Variants in ANKRD24 observed in about 807,000 individuals in gnomAD.
ANKRD24 encodes the protein ankyrin repeat domain 24.
Under a neutral mutation model 127.8 loss-of-function variants are expected in ANKRD24, and 109 were observed. That is an observed-to-expected ratio of 0.85 (90% CI 0.73 to 1.00). The LOEUF is 1.00. Among genes scored for constraint, ANKRD24 ranks in the 50% least tolerant of loss-of-function variants. ANKRD24 has a pLI of 0.00. For synonymous variants in ANKRD24, 743 were observed against 671.1 expected, an observed-to-expected ratio of 1.11 and a Z score of -1.66; for missense variants, 1,648 against 1,570.2, an observed-to-expected ratio of 1.05 and a Z score of -0.84.
intron 1 of ANKRD24, among the ~76,000 whole-genome samples, chr19:4,185,850 G>T (rs1045946673): frequency 1.8e-4 from 27 of 152,240 alleles, no homozygotes; most frequent in African/African-American, 6.5e-4. Context: ...GGGTGAGGCA[G>T]AGGCAGAGAC....
Position 4,216,770 on chromosome 19 carries a change from C to T in ANKRD24, c.1610C>T (p.Thr537Ile), listed in dbSNP as rs770495026. Reference sequence around the variant, plus strand: ...AGTGAGGTTGCTGGAGCCACGGCCACCAAAAACGGGCCAACCCACATGGAG... The same window carrying T: ...AGTGAGGTTGCTGGAGCCACGGCCATCAAAAACGGGCCAACCCACATGGAG... ...GESEVAGATA[T>I]KNGPTHMELN... The change falls in exon 18 of 22, where the codon ACC (threonine) becomes ATC (isoleucine). Residue 537 changes from threonine to isoleucine, a missense_variant. Physicochemically the swap from Thr to Ile is moderately conservative, Grantham distance 89. Transcript: ENST00000318934. 15 of 1,592,626 alleles carry T rather than the reference C, an allele frequency of 9.4e-6. No homozygotes were observed. The highest frequency in any genetic ancestry group is 1.3e-5 in the Non-Finnish European group (15 of 1,170,298).
At chr19:4,193,850 A>G (rs972161547) in intron 2 of ANKRD24, among the ~76,000 whole-genome samples, 5,823 of 37,196 alleles carry the variant, frequency 0.16, 516 homozygotes, top group Middle Eastern at 0.26. Context: ...GGAGGGAGGA[A>G]GGAAGGAAGG....
rs1195603907 is a variant in ANKRD24, at chr19:4,186,373, A to C, written c.-36-17A>C. On this transcript the variant is annotated splice_polypyrimidine_tract_variant and intron_variant, in intron 1 of 21. Coordinates refer to ENST00000318934, the MANE Select transcript of ANKRD24 (RefSeq NM_001393985.1). Reference sequence around the variant, plus strand: ...GACTGGTGTCCCTCACCTTACCCCCACCCTTGCCCTCCTCAGGTGGCCTGT... The same window carrying C: ...GACTGGTGTCCCTCACCTTACCCCCCCCCTTGCCCTCCTCAGGTGGCCTGT... 6.4e-7 allele frequency: 1 copy of C among 1,560,230 alleles called. No individual in the cohort carries two copies. The highest frequency in any genetic ancestry group is 1.9e-5 in the Admixed American group (1 of 52,108).
At chr19:4,196,456 A>T (rs1456902941) in intron 2 of ANKRD24, among the ~76,000 whole-genome samples, 1 of 151,464 alleles carries the variant, frequency 6.6e-6, no homozygotes. Flanking sequence ...GCTTACTGCA[A>T]CCTCTGCCTC....
At chr19:4,196,982 G>C (rs954239288) in intron 2 of ANKRD24, among the ~76,000 whole-genome samples, 3 of 152,188 alleles carry the variant, frequency 2.0e-5, no homozygotes, top group African/African-American at 7.2e-5. Context: ...GCCGGGACCA[G>C]CTAGCTCTTT....
chr19:4,183,567 C>G (rs1268720147), intron 1 of ANKRD24: 1 of 157,856 alleles, frequency 6.3e-6, no homozygotes. Context: ...CTGACCCAGG[C>G]TGGGGGCATC....
At chr19:4,208,103 A>T in intron 10 of ANKRD24, 135 bp downstream of exon 10, 1 of 954,720 alleles carries the variant, frequency 1.0e-6, no homozygotes, top group Non-Finnish European at 1.4e-6. Context: ...ACCCAATTCT[A>T]CTCAGAACAG....
intron 15 of ANKRD24, among the ~76,000 whole-genome samples, chr19:4,213,558 C>T (rs1969892812): frequency 6.8e-6 from 1 of 147,730 alleles, no homozygotes; most frequent in Non-Finnish European, 1.5e-5. Context: ...CTGGTTCAAG[C>T]GATTCTCCTG....
At chr19:4,214,807 T>A (rs959000599) in intron 15 of ANKRD24, among the ~76,000 whole-genome samples, 1 of 152,060 alleles carries the variant, frequency 6.6e-6, no homozygotes, top group African/African-American at 2.4e-5. Context: ...TGAGCCAAGA[T>A]CACGCCACTG....
At position 4,198,554 on chromosome 19, in the gene ANKRD24, C is replaced by T; in HGVS notation, c.37-1129C>T. 1 of 540,970 alleles carries T rather than the reference C, an allele frequency of 1.8e-6. No homozygotes were observed. The highest frequency in any genetic ancestry group is 3.3e-6 in the Non-Finnish European group (1 of 303,644). The allele number at this position is 540,970 out of a possible 1,614,324, so 33.5% of individuals were successfully genotyped here. On this transcript the variant is annotated intron_variant, in intron 2 of 21. Coordinates refer to ENST00000318934, the MANE Select transcript of ANKRD24 (RefSeq NM_001393985.1). The surrounding 1 kb of genome is among the most constrained non-coding windows in gnomAD (Gnocchi z 6.1). ...CGCGGTAGGGCCCGGGGAGGGGGCG[C>T]AGGAGCGGGCGGGGCGCGGGTACCT...
chr19:4,182,996 T>TGTGTGTGTGTGTGTGTGTGA (rs1271437508), intron 1 of ANKRD24, among the ~76,000 whole-genome samples: 2 of 151,738 alleles, frequency 1.3e-5, no homozygotes, highest in Non-Finnish European at 2.9e-5. Flanking sequence ...TGTGTGTGTG[T>TGTGTGTGTGTGTGTGTGTGA]GTGACGGAGC....
chr19:4,188,571 G>A (rs924256335), intron 2 of ANKRD24, among the ~76,000 whole-genome samples: 13 of 151,620 alleles, frequency 8.6e-5, no homozygotes, highest in African/African-American at 2.9e-4. Flanking sequence ...TTGTACAGAT[G>A]GGGTGTAGCT....
At chr19:4,208,016 T>C (rs779436558) in intron 10 of ANKRD24, 48 bp downstream of exon 10, 2 of 1,422,724 alleles carry the variant, frequency 1.4e-6, no homozygotes, top group Admixed American at 3.1e-5. Flanking sequence ...GGCAGCTTCT[T>C]GTCACTCCCC....
rs61743270 is a variant in ANKRD24 at position 4,199,947 on chromosome 19, G to T, written c.196G>T (p.Ala66Ser). 3 of 1,563,964 alleles carry T rather than the reference G, an allele frequency of 1.9e-6. No individual in the cohort carries two copies. Among genetic ancestry groups the T allele is most frequent in the Admixed American group, 1.9e-5 (1 of 52,226 alleles). Reference sequence around the variant, plus strand: ...AAACAACGATGCACCTCGGGTGGCCGCCCTCATCGCCCGCAAGGGGCTGGT... The same window carrying T: ...AAACAACGATGCACCTCGGGTGGCCTCCCTCATCGCCCGCAAGGGGCTGGT... ...VENNDAPRVA[A>S]LIARKGLVPT... is the part of the protein sequence containing the mutation. Residue 66 changes from alanine to serine, a missense_variant, in exon 4 of 22, where the codon GCC becomes TCC. Physicochemically the swap from Ala to Ser is moderately conservative, Grantham distance 99. Transcript: ENST00000318934. This position sits in a 1 kb window ranked among gnomAD's most constrained non-coding sequence, Gnocchi z 5.2.
intron 2 of ANKRD24, among the ~76,000 whole-genome samples, chr19:4,192,949 A>T (rs569221900): frequency 4.5e-4 from 69 of 151,926 alleles, no homozygotes; most frequent in African/African-American, 1.6e-3. Context: ...AAATAAATAA[A>T]TAAAAATAAA....
At position 4,182,703 on chromosome 19, in the gene ANKRD24, A is replaced by G. The variant is rs1967794055; in HGVS notation, c.-74A>G. Reference sequence around the variant, plus strand: ...TTGCTGACGCCGCAGGCGACATGTTATCTGCTGTCAGAAGGAAGCCTGCCT... The same window carrying G: ...TTGCTGACGCCGCAGGCGACATGTTGTCTGCTGTCAGAAGGAAGCCTGCCT... On this transcript the variant is annotated 5_prime_UTR_variant, in exon 1 of 22. Transcript: ENST00000318934. 1.4e-6 allele frequency: 2 copies of G among 1,412,340 alleles called. No homozygotes were observed. The highest frequency in any genetic ancestry group is 9.2e-7 in the Non-Finnish European group (1 of 1,081,476). 87.5% of individuals were successfully genotyped at this position (1,412,340 alleles called of 1,614,324 possible).
In ANKRD24 at chr19:4,207,977, G is replaced by A; in HGVS notation, c.832+9G>A. The A allele has an allele frequency of 1.4e-6, 2 of 1,473,352 alleles. No individual in the cohort carries two copies. Among genetic ancestry groups the A allele is most frequent in the Non-Finnish European group, 9.0e-7 (1 of 1,112,638 alleles). The allele number at this position is 1,473,352 out of a possible 1,614,324, so 91.3% of individuals were successfully genotyped here. On this transcript the variant is annotated intron_variant, in intron 10 of 21. Coordinates refer to ENST00000318934, the MANE Select transcript of ANKRD24 (RefSeq NM_001393985.1). ...CCCCTCCCCACCCAGCGGTATGCAA[G>A]CCCCACCTCCCCAATGCATTTGCTT...
At position 4,217,249 on chromosome 19, in the gene ANKRD24, G is replaced by A. The variant is rs1414138765; in HGVS notation, c.2089G>A (p.Val697Ile). The A allele has an allele frequency of 3.8e-6, 6 of 1,590,356 alleles. No individual in the cohort carries two copies. In the South Asian group the frequency reaches 5.7e-5, roughly 15 times the overall value. The change falls in exon 18 of 22, where the codon GTA becomes ATA. Residue 697 changes from valine to isoleucine, a missense_variant. Physicochemically the swap from Val to Ile is conservative, Grantham distance 29. Coordinates refer to ENST00000318934, the MANE Select transcript of ANKRD24 (RefSeq NM_001393985.1). ...TGCCACAGGTGTGGAGAACCCAGGG[G>A]TAGAGGCCACGGTCCCGGGGATCTC... ...VSATGVENPG[V>I]EATVPGISAG...
At chr19:4,202,956 C>A in intron 7 of ANKRD24, 30 bp downstream of exon 7, 1 of 1,531,758 alleles carries the variant, frequency 6.5e-7, no homozygotes, top group Non-Finnish European at 8.8e-7. Flanking sequence ...GCCCTGACCC[C>A]GAAGCCCAGA....
Sources: allele counts gnomAD v4.1 joint callset (sites outside exome capture counted in the v4.1 genomes callset), GRCh38; gene constraint gnomAD v4.1.1; non-coding constraint Gnocchi (gnomAD v3.1); transcripts MANE v1.5; gene names NCBI Gene and HGNC (gene_info 2026-07-23, HGNC 2026-07-21).